PNMA8C: variants seen among roughly 807,000 people sequenced by gnomAD.
PNMA8C encodes the protein PNMA family member 8C.
rs1487537320 is a variant in PNMA8C at position 46,426,085 on chromosome 19, TTTTAA to T, written c.*1655_*1659del. 1 of 152,198 alleles carries T rather than the reference TTTTAA, an allele frequency of 6.6e-6. No homozygotes were observed. Among genetic ancestry groups the T allele is most frequent in the African/African-American group, 2.4e-5 (1 of 41,452 alleles). The allele number at this position is 152,198 out of a possible 1,614,324, so 9.4% of individuals were successfully genotyped here. On this transcript the variant is annotated 3_prime_UTR_variant, in exon 1 of 1. Coordinates refer to ENST00000617053, the MANE Select transcript of PNMA8C (RefSeq NM_001386793.1). Reference sequence around the variant, plus strand: ...CACATGTATTTGGATTTTACCTGATTTTTAAAATTCTTCTTCACCTCAGTGTTAAC... The same window carrying T: ...CACATGTATTTGGATTTTACCTGATTAATTCTTCTTCACCTCAGTGTTAAC...
Position 46,428,223 on chromosome 19 carries a change from A to C in PNMA8C, c.137T>G (p.Leu46Arg), listed in dbSNP as rs926900927. The C allele has an allele frequency of 1.3e-5, 5 of 398,556 alleles. No individual in the cohort carries two copies. The highest frequency in any genetic ancestry group is 8.2e-5 in the African/African-American group (4 of 48,646). 24.7% of individuals were successfully genotyped at this position (398,556 alleles called of 1,614,324 possible). A position where few individuals can be genotyped will look rare whatever the true frequency, so the allele number is the denominator to read the frequency against. Residue 46 changes from leucine to arginine, a missense_variant, in exon 1 of 1, where the codon CTG becomes CGG. Leu to Arg is a moderately radical substitution (Grantham distance 102, BLOSUM62 -2). Transcript: ENST00000617053. ...NHEEFEEIIR[L>R]PLKPLGKFEV... ...GAACTTGCCTAGAGGTTTGAGGGGC[A>C]GCCGAATAATCTCTTCGAATTCCTC...
Position 46,427,891 on chromosome 19 carries a change from G to T in PNMA8C, c.469C>A (p.Pro157Thr). The T allele has an allele frequency of 2.5e-6, 1 of 398,604 alleles. No homozygotes were observed. Among genetic ancestry groups the T allele is most frequent in the Admixed American group, 4.4e-5 (1 of 22,718 alleles). 24.7% of individuals were successfully genotyped at this position (398,604 alleles called of 1,614,324 possible). A position where few individuals can be genotyped will look rare whatever the true frequency, so the allele number is the denominator to read the frequency against. The change falls in exon 1 of 1, where the codon CCG becomes ACG. Residue 157 changes from proline to threonine, a missense_variant. Pro to Thr is a conservative substitution (Grantham distance 38). Coordinates refer to ENST00000617053, the MANE Select transcript of PNMA8C (RefSeq NM_001386793.1). Reference protein sequence around the residue: ...KCSVPGLGEKPEAGATVQMDV... With the variant: ...KCSVPGLGEKTEAGATVQMDV... ...ATCTGGACGGTGGCCCCAGCCTCCG[G>T]TTTCTCCCCCAGCCCAGGCACAGAG...
Position 46,428,701 on chromosome 19 carries a change from A to G in PNMA8C, c.-342T>C. ...GGCAAGGCTGCACCAAGGAGGGTCT[A>G]AAGATGATGCTTCCCCTTTCTTGGC... On this transcript the variant is annotated 5_prime_UTR_variant, in exon 1 of 1. Transcript: ENST00000617053. The G allele has an allele frequency of 4.3e-6, 1 of 235,254 alleles. No individual in the cohort carries two copies. The highest frequency in any genetic ancestry group is 2.2e-5 in the African/African-American group (1 of 44,564). 14.6% of individuals were successfully genotyped at this position (235,254 alleles called of 1,614,324 possible).
Position 46,427,252 on chromosome 19 carries a change from A to AC in PNMA8C, c.*492dup, listed in dbSNP as rs961859447. The AC allele has an allele frequency of 7.9e-5, 12 of 152,652 alleles. No homozygotes were observed. The highest frequency in any genetic ancestry group is 2.9e-4 in the African/African-American group (12 of 41,578). The allele number at this position is 152,652 out of a possible 1,614,324, so 9.5% of individuals were successfully genotyped here. A position where few individuals can be genotyped will look rare whatever the true frequency, so the allele number is the denominator to read the frequency against. Reference sequence around the variant, plus strand: ...TGGATGAATGAGCAATCCACACTCAACCAGATTTTATGATCATTCAGCTGT... The same window carrying AC: ...TGGATGAATGAGCAATCCACACTCAACCCAGATTTTATGATCATTCAGCTGT... On this transcript the variant is annotated 3_prime_UTR_variant, in exon 1 of 1. Coordinates refer to ENST00000617053, the MANE Select transcript of PNMA8C (RefSeq NM_001386793.1).
In PNMA8C at chr19:46,426,487, A is replaced by T. The variant is rs1309854950; in HGVS notation, c.*1258T>A. 6.6e-6 allele frequency: 1 copy of T among 152,100 alleles called. No individual in the cohort carries two copies. The highest frequency in any genetic ancestry group is 2.4e-5 in the African/African-American group (1 of 41,412). 9.4% of individuals were successfully genotyped at this position (152,100 alleles called of 1,614,324 possible). ...CCGAACAAGTTTGTGCCAGAGGTAC[A>T]TTCAAGGTACATGCTTTTGAAACAC... On this transcript the variant is annotated 3_prime_UTR_variant, in exon 1 of 1. Coordinates refer to ENST00000617053, the MANE Select transcript of PNMA8C (RefSeq NM_001386793.1).
In PNMA8C at chr19:46,427,596, G is replaced by C; in HGVS notation, c.*149C>G. On this transcript the variant is annotated 3_prime_UTR_variant, in exon 1 of 1. Coordinates refer to ENST00000617053, the MANE Select transcript of PNMA8C (RefSeq NM_001386793.1). The stretch of plus-strand genomic sequence containing the variant: ...AAATGATACCCATTCTTACTCCAAA[G>C]TTACCCACTCACTAGAGTCATTCCC... The C allele has an allele frequency of 2.5e-6, 1 of 397,118 alleles. No individual in the cohort carries two copies. Among genetic ancestry groups the C allele is most frequent in the African/African-American group, 2.1e-5 (1 of 48,686 alleles). The allele number at this position is 397,118 out of a possible 1,614,324, so 24.6% of individuals were successfully genotyped here. A position where few individuals can be genotyped will look rare whatever the true frequency, so the allele number is the denominator to read the frequency against.
Position 46,427,628 on chromosome 19 carries a change from C to T in PNMA8C, c.*117G>A, listed in dbSNP as rs1273608738. ...ACTCACTAGAGTCATTCCCACCCTC[C>T]CTTGCATTACCCACACTCACTCGCA... is the stretch of plus-strand genomic sequence containing the variant. On this transcript the variant is annotated 3_prime_UTR_variant, in exon 1 of 1. Transcript: ENST00000617053. 2 of 397,582 alleles carry T rather than the reference C, an allele frequency of 5.0e-6. No homozygotes were observed. Among genetic ancestry groups the T allele is most frequent in the East Asian group, 7.1e-5 (2 of 28,068 alleles). 24.6% of individuals were successfully genotyped at this position (397,582 alleles called of 1,614,324 possible).
rs1969434414 is a variant in PNMA8C at position 46,428,188 on chromosome 19, C to G, written c.172G>C (p.Gly58Arg). 3 of 398,664 alleles carry G rather than the reference C, an allele frequency of 7.5e-6. No homozygotes were observed. The East Asian group carries it at 1.1e-4, about 14-fold the overall frequency. The allele number at this position is 398,664 out of a possible 1,614,324, so 24.7% of individuals were successfully genotyped here. Residue 58 changes from glycine (G) to arginine (R), a missense_variant, in exon 1 of 1, where the codon GGG (glycine) becomes CGG (arginine). Gly to Arg is a moderately radical substitution (Grantham distance 125, BLOSUM62 -2). Coordinates refer to ENST00000617053, the MANE Select transcript of PNMA8C (RefSeq NM_001386793.1). Reference sequence around the variant, plus strand: ...TTATCTTCTTCCAGATAGGCCTTCCCAGCCACTTCGAACTTGCCTAGAGGT... The same window carrying G: ...TTATCTTCTTCCAGATAGGCCTTCCGAGCCACTTCGAACTTGCCTAGAGGT... ...LKPLGKFEVA[G>R]KAYLEEDKSK... is the part of the protein sequence containing the mutation.
chr19:46,426,516 A>C lies in PNMA8C; in HGVS notation c.*1229T>G, dbSNP rs1349112501. ...AAGGTACATGCTTTTGAAACACAGA[A>C]AACGGCTCTAGACTTTGCAATAACA... is the stretch of plus-strand genomic sequence containing the variant. On this transcript the variant is annotated 3_prime_UTR_variant, in exon 1 of 1. Transcript: ENST00000617053. 6.6e-6 allele frequency: 1 copy of C among 151,880 alleles called. No homozygotes were observed. The highest frequency in any genetic ancestry group is 1.5e-5 in the Non-Finnish European group (1 of 67,910). The allele number at this position is 151,880 out of a possible 1,614,324, so 9.4% of individuals were successfully genotyped here. A position where few individuals can be genotyped will look rare whatever the true frequency, so the allele number is the denominator to read the frequency against.
Position 46,427,874 on chromosome 19 carries a change from G to C in PNMA8C, c.486C>G (p.Thr162=). ...GLGEKPEAGA[T]VQMDVVPPLD... is the part of the protein sequence containing the mutation. ...GAGGTGGCACCACGTCCATCTGGACGGTGGCCCCAGCCTCCGGTTTCTCCC... is the reference window on the plus strand; with the variant it reads ...GAGGTGGCACCACGTCCATCTGGACCGTGGCCCCAGCCTCCGGTTTCTCCC... The change falls in exon 1 of 1, where the codon ACC becomes ACG. Residue 162 remains threonine, a synonymous_variant. Transcript: ENST00000617053. 1 of 398,660 alleles carries C rather than the reference G, an allele frequency of 2.5e-6. No individual in the cohort carries two copies. The highest frequency in any genetic ancestry group is 4.4e-6 in the Non-Finnish European group (1 of 226,104). The allele number at this position is 398,660 out of a possible 1,614,324, so 24.7% of individuals were successfully genotyped here. A position where few individuals can be genotyped will look rare whatever the true frequency, so the allele number is the denominator to read the frequency against.
chr19:46,427,444 A>G lies in PNMA8C; in HGVS notation c.*301T>C, dbSNP rs406601. 0.91 allele frequency: 222,836 copies of G among 244,168 alleles called. 101,990 individuals are homozygous for G. Among genetic ancestry groups the G allele is most frequent in the East Asian group, 1 (12,435 of 12,484 alleles). 15.1% of individuals were successfully genotyped at this position (244,168 alleles called of 1,614,324 possible). A position where few individuals can be genotyped will look rare whatever the true frequency, so the allele number is the denominator to read the frequency against. On this transcript the variant is annotated 3_prime_UTR_variant, in exon 1 of 1. Coordinates refer to ENST00000617053, the MANE Select transcript of PNMA8C (RefSeq NM_001386793.1). ...AGTAGGTATGCAATAAATATCTGTA[A>G]GATGAATAAATGAGCCACGGGCACC... is the stretch of plus-strand genomic sequence containing the variant.
At position 46,427,770 on chromosome 19, in the gene PNMA8C, T is replaced by G. The variant is rs776969694; in HGVS notation, c.590A>C (p.His197Pro). ...TCACAGCTTCTTGTCTGAGGCGTGA[T>G]GCCGCCGGCGGTTTTTCTTGTTCTT... ...KRKNKKNRRR[H>P]HASDKKL Residue 197 changes from histidine (H) to proline (P), a missense_variant, in exon 1 of 1, where the codon CAT becomes CCT. Coordinates refer to ENST00000617053, the MANE Select transcript of PNMA8C (RefSeq NM_001386793.1). The G allele has an allele frequency of 2.5e-6, 1 of 398,684 alleles. No homozygotes were observed. The allele number at this position is 398,684 out of a possible 1,614,324, so 24.7% of individuals were successfully genotyped here.
At position 46,427,782 on chromosome 19, in the gene PNMA8C, T is replaced by G. The variant is rs1422271166; in HGVS notation, c.578A>C (p.Asn193Thr). The G allele has an allele frequency of 2.5e-6, 1 of 397,774 alleles. No individual in the cohort carries two copies. The highest frequency in any genetic ancestry group is 4.4e-6 in the Non-Finnish European group (1 of 226,026). 24.6% of individuals were successfully genotyped at this position (397,774 alleles called of 1,614,324 possible). A position where few individuals can be genotyped will look rare whatever the true frequency, so the allele number is the denominator to read the frequency against. The change falls in exon 1 of 1, where the codon AAC becomes ACC. Residue 193 changes from asparagine to threonine, a missense_variant. By Grantham distance (65) the Asn-to-Thr change is moderately conservative (BLOSUM62 0). Coordinates refer to ENST00000617053, the MANE Select transcript of PNMA8C (RefSeq NM_001386793.1). ...GKRGKRKNKKNRRRHHASDKK... is the reference protein window; with the variant it reads ...GKRGKRKNKKTRRRHHASDKK... ...GTCTGAGGCGTGATGCCGCCGGCGG[T>G]TTTTCTTGTTCTTCCTTTTGCCCCT...
In PNMA8C at chr19:46,427,717, C is replaced by T. The variant is rs376819272; in HGVS notation, c.*28G>A. ...GTCATCACCCACACCCCCTCAGACACTCCCCACGCCCACCCGATGCCACCA... is the reference window on the plus strand; with the variant it reads ...GTCATCACCCACACCCCCTCAGACATTCCCCACGCCCACCCGATGCCACCA... On this transcript the variant is annotated 3_prime_UTR_variant, in exon 1 of 1. Coordinates refer to ENST00000617053, the MANE Select transcript of PNMA8C (RefSeq NM_001386793.1). 1.3e-5 allele frequency: 5 copies of T among 398,156 alleles called. No individual in the cohort carries two copies. Among genetic ancestry groups the T allele is most frequent in the Non-Finnish European group, 2.2e-5 (5 of 226,110 alleles). The allele number at this position is 398,156 out of a possible 1,614,324, so 24.7% of individuals were successfully genotyped here.
chr19:46,428,442 C>T lies in PNMA8C; in HGVS notation c.-83G>A. The T allele has an allele frequency of 2.5e-6, 1 of 398,152 alleles. No individual in the cohort carries two copies. Among genetic ancestry groups the T allele is most frequent in the Non-Finnish European group, 4.4e-6 (1 of 226,112 alleles). 24.7% of individuals were successfully genotyped at this position (398,152 alleles called of 1,614,324 possible). On this transcript the variant is annotated 5_prime_UTR_variant, in exon 1 of 1. Transcript: ENST00000617053. The stretch of plus-strand genomic sequence containing the variant: ...GGAATCCACGAAATTATCCAGGATG[C>T]CGCGATTCCTTCCCAAAGGCTACGA...
Position 46,426,434 on chromosome 19 carries a change from T to C in PNMA8C, c.*1311A>G, listed in dbSNP as rs1481898952. On this transcript the variant is annotated 3_prime_UTR_variant, in exon 1 of 1. Coordinates refer to ENST00000617053, the MANE Select transcript of PNMA8C (RefSeq NM_001386793.1). ...CTCACTCTCAGCCATGGTTTCTGCTTGACATGCGCAAAACAGGGTGGCCCA... is the reference window on the plus strand; with the variant it reads ...CTCACTCTCAGCCATGGTTTCTGCTCGACATGCGCAAAACAGGGTGGCCCA... 6.6e-6 allele frequency: 1 copy of C among 152,000 alleles called. No individual in the cohort carries two copies. Among genetic ancestry groups the C allele is most frequent in the Admixed American group, 6.6e-5 (1 of 15,240 alleles). 9.4% of individuals were successfully genotyped at this position (152,000 alleles called of 1,614,324 possible).
At position 46,426,593 on chromosome 19, in the gene PNMA8C, C is replaced by T. The variant is rs1250144236; in HGVS notation, c.*1152G>A. On this transcript the variant is annotated 3_prime_UTR_variant, in exon 1 of 1. Transcript: ENST00000617053. ...AGGGGTCCGTGCCGCCCGCCTCCCC[C>T]CAGCAAGAGAGGCTGTCCCCAGAAT... 6.6e-6 allele frequency: 1 copy of T among 152,242 alleles called. No individual in the cohort carries two copies. Among genetic ancestry groups the T allele is most frequent in the Admixed American group, 6.5e-5 (1 of 15,278 alleles). 9.4% of individuals were successfully genotyped at this position (152,242 alleles called of 1,614,324 possible).
At position 46,426,878 on chromosome 19, in the gene PNMA8C, C is replaced by CG. The variant is rs1309716201; in HGVS notation, c.*866dup. 4 of 152,294 alleles carry CG rather than the reference C, an allele frequency of 2.6e-5. No homozygotes were observed. The highest frequency in any genetic ancestry group is 4.4e-5 in the Non-Finnish European group (3 of 68,074). The allele number at this position is 152,294 out of a possible 1,614,324, so 9.4% of individuals were successfully genotyped here. ...GACTGCGCCTGCGCGGCTGGTCCCG[C>CG]GGGGTCTCCCGAGTAGCGGAAGATA... On this transcript the variant is annotated 3_prime_UTR_variant, in exon 1 of 1. Transcript: ENST00000617053.
chr19:46,425,940 T>G lies in PNMA8C; in HGVS notation c.*1805A>C, dbSNP rs1969416826. The stretch of plus-strand genomic sequence containing the variant: ...ACATTACAATTTGGTAGGCTGAGTC[T>G]TTGTGTTGTGTGTAAGTTACATTTT... On this transcript the variant is annotated 3_prime_UTR_variant, in exon 1 of 1. Coordinates refer to ENST00000617053, the MANE Select transcript of PNMA8C (RefSeq NM_001386793.1). 1 of 152,142 alleles carries G rather than the reference T, an allele frequency of 6.6e-6. No homozygotes were observed. The highest frequency in any genetic ancestry group is 6.5e-5 in the Admixed American group (1 of 15,268). The allele number at this position is 152,142 out of a possible 1,614,324, so 9.4% of individuals were successfully genotyped here. A position where few individuals can be genotyped will look rare whatever the true frequency, so the allele number is the denominator to read the frequency against.
Sources: allele counts gnomAD v4.1 joint callset, GRCh38; gene constraint gnomAD v4.1.1; transcripts MANE v1.5; gene names NCBI Gene and HGNC (gene_info 2026-07-23, HGNC 2026-07-21).